The following FTO variants were observed in gnomAD, a reference collection of about 807,000 sequenced individuals.
FTO encodes the protein alpha-ketoglutarate-dependent dioxygenase FTO.
In FTO, 47 loss-of-function variants were observed where a neutral mutation model predicts 63.9. That is an observed-to-expected ratio of 0.74 (90% CI 0.58 to 0.94). The LOEUF (loss-of-function observed/expected upper bound fraction) is 0.94. FTO is among the 40% of genes least tolerant of loss of function. The probability of loss-of-function intolerance (pLI) is 0.00; values close to 1 mark genes in which losing one functional copy is unlikely to be tolerated. For missense variants in FTO, 562 were observed against 618.1 expected (o/e 0.91, Z 0.96); for synonymous variants, 207 against 224.4 (o/e 0.92, Z 0.69).
At chr16:53,895,634 C>G (rs1024360906) in intron 7 of FTO, among the ~76,000 whole-genome samples, 1 of 152,202 alleles carries the variant, frequency 6.6e-6, no homozygotes, top group Non-Finnish European at 1.5e-5. Context: ...GTGACAGTAT[C>G]TCCAGGAACA....
intron 1 of FTO, among the ~76,000 whole-genome samples, chr16:53,758,084 C>T (rs1161761618): frequency 1.3e-5 from 2 of 152,192 alleles, no homozygotes; most frequent in African/African-American, 4.8e-5. Context: ...TAGTCTTAAG[C>T]TTTGCCCACC....
At chr16:54,111,721 G>T (rs530566021) in intron 8 of FTO, 41 bp from the exon 9 acceptor site, 1 of 1,612,892 alleles carries the variant, frequency 6.2e-7, no homozygotes, top group African/African-American at 1.3e-5. Flanking sequence ...TCTTCTGGGG[G>T]TTTCCTCCCG....
At chr16:53,787,745 G>A (rs1482941479) in intron 1 of FTO, among the ~76,000 whole-genome samples, 1 of 152,098 alleles carries the variant, frequency 6.6e-6, no homozygotes, top group African/African-American at 2.4e-5. Flanking sequence ...AGTAGACCAG[G>A]TGGGCCAAAT....
chr16:54,067,659 T>C (rs2085765070), intron 8 of FTO, among the ~76,000 whole-genome samples: 1 of 152,208 alleles, frequency 6.6e-6, no homozygotes, highest in Non-Finnish European at 1.5e-5. Context: ...CCCTAGAAGC[T>C]AGTTGTGTCT....
chr16:53,838,698 G>A (rs537472267), intron 3 of FTO, among the ~76,000 whole-genome samples: 6 of 152,118 alleles, frequency 3.9e-5, no homozygotes, highest in South Asian at 4.2e-4. Flanking sequence ...AATTAGCCAC[G>A]TGTGGTGGCA....
intron 1 of FTO, among the ~76,000 whole-genome samples, chr16:53,711,965 C>G (rs1373434305): frequency 2.0e-5 from 3 of 152,110 alleles, no homozygotes; most frequent in African/African-American, 7.2e-5. Flanking sequence ...GTGGCTTATA[C>G]CTGTAATCCC....
chr16:53,797,717 A>T lies in FTO; in HGVS notation c.46-12423A>T, dbSNP rs561389880. ...GTAGGTGTTTAATATATATATTTTT[A>T]TGAAAGTTCCAGATTGTCTTCCAAA... On this transcript the variant is annotated intron_variant, in intron 1 of 8. Coordinates refer to ENST00000471389, the MANE Select transcript of FTO (RefSeq NM_001080432.3). Among the ~76,000 whole-genome samples, 3 of 152,184 alleles carry T rather than the reference A, an allele frequency of 2.0e-5. No homozygotes were observed. The East Asian group carries it at 5.8e-4, about 29-fold the overall frequency.
chr16:53,832,215 T>G (rs2151791290), intron 3 of FTO, among the ~76,000 whole-genome samples: 1 of 152,336 alleles, frequency 6.6e-6, no homozygotes, highest in South Asian at 2.1e-4. Flanking sequence ...TAAGAATGGC[T>G]ACATTTTCTC....
chr16:53,777,207 C>T (rs1472168573), intron 1 of FTO, among the ~76,000 whole-genome samples: 1 of 152,136 alleles, frequency 6.6e-6, no homozygotes, highest in Non-Finnish European at 1.5e-5. Context: ...AACATCTCCC[C>T]TTTCTCTGCT....
intron 4 of FTO, among the ~76,000 whole-genome samples, chr16:53,862,690 C>T (rs2080210337): frequency 6.6e-6 from 1 of 151,876 alleles, no homozygotes; most frequent in Non-Finnish European, 1.5e-5. Flanking sequence ...CGCCTGCCAC[C>T]ACACCCAGCT....
At chr16:53,982,984 T>C (rs547504125) in intron 8 of FTO, among the ~76,000 whole-genome samples, 1 of 152,308 alleles carries the variant, frequency 6.6e-6, no homozygotes, top group Admixed American at 6.5e-5. Flanking sequence ...TTTCTGTTTG[T>C]GTTTTTTGGG....
At chr16:53,933,958 T>G in intron 7 of FTO, 27 bp from the exon 8 acceptor site, 2 of 1,611,062 alleles carry the variant, frequency 1.2e-6, no homozygotes, top group Non-Finnish European at 1.7e-6. Context: ...CACTTTTTCT[T>G]TCTCTGTTTT....
intron 8 of FTO, chr16:54,061,605 T>TG (rs2085575084): frequency 6.7e-6 from 1 of 149,454 alleles, no homozygotes; most frequent in Non-Finnish European, 1.5e-5. Context: ...GCATGTGTGT[T>TG]TGTGTGTGTG....
At chr16:54,106,506 AATT>A (rs1436855507) in intron 8 of FTO, among the ~76,000 whole-genome samples, 1 of 144,534 alleles carries the variant, frequency 6.9e-6, no homozygotes, top group East Asian at 2.0e-4. Context: ...TATTGTATAT[AATT>A]ATATGTATTT....
chr16:53,916,110 G>A (rs1451207940), intron 7 of FTO, among the ~76,000 whole-genome samples: 1 of 152,170 alleles, frequency 6.6e-6, no homozygotes, highest in African/African-American at 2.4e-5. Context: ...ATATCAAGGT[G>A]CTTCAGTGGG....
At chr16:53,907,080 G>A (rs2081557855) in intron 7 of FTO, among the ~76,000 whole-genome samples, 1 of 152,150 alleles carries the variant, frequency 6.6e-6, no homozygotes, top group South Asian at 2.1e-4. Context: ...ACTCCTCTCT[G>A]TGTAAACTCA....
At chr16:53,782,804 A>G (rs977178782) in intron 1 of FTO, among the ~76,000 whole-genome samples, 43 of 152,216 alleles carry the variant, frequency 2.8e-4, no homozygotes, top group African/African-American at 1.0e-3. Context: ...GATATTCATC[A>G]CTGTCTGAAA....
At chr16:53,851,497 T>C (rs1046295605) in intron 4 of FTO, among the ~76,000 whole-genome samples, 6 of 151,542 alleles carry the variant, frequency 4.0e-5, no homozygotes, top group African/African-American at 1.5e-4. Flanking sequence ...GGAGAAATAA[T>C]ACATGAACAC....
chr16:54,091,297 G>A (rs539313043), intron 8 of FTO, among the ~76,000 whole-genome samples: 42 of 152,256 alleles, frequency 2.8e-4, no homozygotes, highest in Admixed American at 5.9e-4. Context: ...GTAATCCCAG[G>A]ACTTTGGGAG....
Sources: gnomAD v4.1 joint callset for allele counts (sites outside exome capture counted in the v4.1 genomes callset) on GRCh38, gnomAD v4.1.1 for gene constraint, MANE v1.5 for transcripts, NCBI Gene and HGNC (gene_info 2026-07-23, HGNC 2026-07-21) for gene names.